The following NR6A1 variants were observed in gnomAD, a reference collection of about 807,000 sequenced individuals.
NR6A1 encodes the protein nuclear receptor subfamily 6 group A member 1.
In NR6A1, 7 loss-of-function variants were observed where a neutral mutation model predicts 59.1. The observed-to-expected ratio is 0.12, with a 90% confidence interval of 0.07 to 0.22. NR6A1 has a LOEUF of 0.22. Among genes scored for constraint, NR6A1 ranks in the 10% least tolerant of loss-of-function variants. NR6A1 has a pLI of 1.00. For synonymous variants in NR6A1, 243 were observed against 236.1 expected (o/e 1.03, Z -0.27); for missense variants, 468 against 611.6 (o/e 0.77, Z 2.48).
rs149056533 is a variant in NR6A1, at chr9:124,745,361, T to C, written c.101-12012A>G. The stretch of plus-strand genomic sequence containing the variant: ...TTCTGATTAAAATATATTGTTTTTA[T>C]AAACAGAAACATACATTAAAAAAAT... On this transcript the variant is annotated intron_variant, in intron 1 of 9. Coordinates refer to ENST00000487099, the MANE Select transcript of NR6A1 (RefSeq NM_033334.4). Among the ~76,000 whole-genome samples, 81 of 152,268 alleles carry C rather than the reference T, an allele frequency of 5.3e-4. 1 individual carries two copies. Among genetic ancestry groups the C allele is most frequent in the Middle Eastern group, 6.8e-3 (2 of 294 alleles).
chr9:124,531,690 T>C (rs1833103923), intron 7 of NR6A1, among the ~76,000 whole-genome samples: 1 of 152,168 alleles, frequency 6.6e-6, no homozygotes, highest in South Asian at 2.1e-4. Flanking sequence ...AACTCAGAGT[T>C]ACTCATCTCC....
chr9:124,565,955 A>G (rs745996091), intron 2 of NR6A1, among the ~76,000 whole-genome samples: 1 of 152,250 alleles, frequency 6.6e-6, no homozygotes, highest in Non-Finnish European at 1.5e-5. Context: ...ATTCCCAGGT[A>G]TATACCCAAT....
At position 124,522,594 on chromosome 9, in the gene NR6A1, G is replaced by C; in HGVS notation, c.*111C>G. The C allele has an allele frequency of 1.4e-6, 1 of 712,244 alleles. No homozygotes were observed. The highest frequency in any genetic ancestry group is 2.3e-6 in the Non-Finnish European group (1 of 435,444). The allele number at this position is 712,244 out of a possible 1,614,324, so 44.1% of individuals were successfully genotyped here. A position where few individuals can be genotyped will look rare whatever the true frequency, so the allele number is the denominator to read the frequency against. On this transcript the variant is annotated 3_prime_UTR_variant, in exon 10 of 10. Transcript: ENST00000487099. ...AAACTCTTCTTGCTATGGAGGCAAC[G>C]GGAAATGCTGCTCCACAGCCTCCAT... is the stretch of plus-strand genomic sequence containing the variant.
At chr9:124,653,215 C>A (rs1837153854) in intron 2 of NR6A1, among the ~76,000 whole-genome samples, 1 of 151,988 alleles carries the variant, frequency 6.6e-6, no homozygotes, top group Non-Finnish European at 1.5e-5. Flanking sequence ...TTTGTGCTTT[C>A]CAAAGTTCTG....
At chr9:124,672,523 G>A (rs545343243) in intron 2 of NR6A1, among the ~76,000 whole-genome samples, 2 of 152,032 alleles carry the variant, frequency 1.3e-5, no homozygotes, top group African/African-American at 4.8e-5. Flanking sequence ...GCTGAGGCAG[G>A]AGAATCGCTT....
At chr9:124,615,213 C>T (rs892136639) in intron 2 of NR6A1, among the ~76,000 whole-genome samples, 1 of 152,010 alleles carries the variant, frequency 6.6e-6, no homozygotes, top group Non-Finnish European at 1.5e-5. Context: ...ATTACAATGC[C>T]CTAATTAGAA....
intron 2 of NR6A1, among the ~76,000 whole-genome samples, chr9:124,722,110 T>G (rs1839581800): frequency 6.6e-6 from 1 of 152,124 alleles, no homozygotes; most frequent in Admixed American, 6.5e-5. Context: ...TAAACCAGAG[T>G]CCTTTCTGGG....
At chr9:124,554,895 A>C (rs2131387216) in intron 2 of NR6A1, among the ~76,000 whole-genome samples, 1 of 152,320 alleles carries the variant, frequency 6.6e-6, no homozygotes, top group East Asian at 1.9e-4. Flanking sequence ...ACCCTGTAGG[A>C]GCACGGTAAG....
At chr9:124,745,337 T>C (rs1323992314) in intron 1 of NR6A1, among the ~76,000 whole-genome samples, 2 of 152,134 alleles carry the variant, frequency 1.3e-5, no homozygotes, top group African/African-American at 4.8e-5. Flanking sequence ...ATTCTACTTT[T>C]CTGATTAAAA....
rs940127325 is a variant in NR6A1, at chr9:124,602,921, C to T, written c.143-48351G>A. Among the ~76,000 whole-genome samples the T allele has an allele frequency of 4.3e-4, 66 of 152,320 alleles. 1 individual carries two copies. Among genetic ancestry groups the T allele is most frequent in the African/African-American group, 1.6e-3 (65 of 41,568 alleles). ...TACTCCAGCCATGCTGACCCACTTA[C>T]TTATAGTGCAAATATTATACTAAGC... On this transcript the variant is annotated intron_variant, in intron 2 of 9. Transcript: ENST00000487099.
intron 2 of NR6A1, among the ~76,000 whole-genome samples, chr9:124,674,832 A>T (rs1344130677): frequency 5.3e-5 from 8 of 152,228 alleles, no homozygotes; most frequent in Admixed American, 5.2e-4. Flanking sequence ...AGAAACAGGT[A>T]TGAAGGAAAT....
At chr9:124,716,829 G>A (rs896825054) in intron 2 of NR6A1, among the ~76,000 whole-genome samples, 1 of 151,984 alleles carries the variant, frequency 6.6e-6, no homozygotes, top group Non-Finnish European at 1.5e-5. Flanking sequence ...ACGGGGTTTC[G>A]CCATGTTGCC....
chr9:124,674,551 A>C (rs1837896230), intron 2 of NR6A1, among the ~76,000 whole-genome samples: 2 of 152,196 alleles, frequency 1.3e-5, no homozygotes, highest in Non-Finnish European at 2.9e-5. Flanking sequence ...TTTACATATA[A>C]AGTCCTAAAA....
At chr9:124,610,260 T>G (rs2130840314) in intron 2 of NR6A1, among the ~76,000 whole-genome samples, 1 of 152,324 alleles carries the variant, frequency 6.6e-6, no homozygotes, top group Admixed American at 6.5e-5. Context: ...CTCTTATTAT[T>G]TTGAGATATA....
At chr9:124,589,242 C>T (rs1380583500) in intron 2 of NR6A1, among the ~76,000 whole-genome samples, 1 of 152,080 alleles carries the variant, frequency 6.6e-6, no homozygotes, top group Non-Finnish European at 1.5e-5. Flanking sequence ...GTCAGGAGAT[C>T]GAGACCATTC....
intron 2 of NR6A1, among the ~76,000 whole-genome samples, chr9:124,588,910 ACT>A (rs1835016884): frequency 2.2e-5 from 3 of 139,326 alleles, no homozygotes; most frequent in African/African-American, 8.5e-5. Flanking sequence ...ACAGAACGAG[ACT>A]CTGTCTCAAA....
chr9:124,735,612 T>C (rs552609018), intron 1 of NR6A1, among the ~76,000 whole-genome samples: 1 of 152,364 alleles, frequency 6.6e-6, no homozygotes, highest in African/African-American at 2.4e-5. Flanking sequence ...TACCAGAATT[T>C]AGAAGCTGCT....
intron 8 of NR6A1, among the ~76,000 whole-genome samples, chr9:124,526,320 G>A (rs1282981383): frequency 6.6e-6 from 1 of 151,722 alleles, no homozygotes. Context: ...GTGTGTGTTT[G>A]TGCACCCCTG....
intron 2 of NR6A1, among the ~76,000 whole-genome samples, chr9:124,566,976 C>CG (rs1266415985): frequency 2.7e-5 from 4 of 150,868 alleles, no homozygotes; most frequent in Non-Finnish European, 5.9e-5. Flanking sequence ...GGCGTAGTGG[C>CG]GGGCGCCTGT....
Sources: allele counts gnomAD v4.1 joint callset (sites outside exome capture counted in the v4.1 genomes callset), GRCh38; gene constraint gnomAD v4.1.1; transcripts MANE v1.5; gene names NCBI Gene and HGNC (gene_info 2026-07-23, HGNC 2026-07-21).